The following ZNF184 variants were observed in gnomAD, a reference collection of about 807,000 sequenced individuals.
ZNF184 encodes the protein zinc finger protein 184 (Kruppel-like).
ZNF184 carries 16 observed loss-of-function variants against 54.4 expected under a neutral mutation model. The observed-to-expected ratio is 0.29, with a 90% confidence interval of 0.20 to 0.45. ZNF184 has a LOEUF of 0.45. Among genes scored for constraint, ZNF184 ranks in the 20% least tolerant of loss-of-function variants. The probability of loss-of-function intolerance (pLI) is 1.00; values close to 1 mark genes in which losing one functional copy is unlikely to be tolerated. For synonymous variants in ZNF184, 254 were observed against 295.3 expected (o/e 0.86, Z 1.43); for missense variants, 681 against 888.2 (o/e 0.77, Z 2.97).
At chr6:27,445,210 G>C in the ZNF184 span, among the ~76,000 whole-genome samples, 4 of 152,194 alleles carry the variant, frequency 2.6e-5, no homozygotes, top group Admixed American at 6.5e-5. Context: ...CCAAATGCCT[G>C]TCTGCAGCAA....
In ZNF184 at chr6:27,451,586, G is replaced by T; in HGVS notation, c.1973C>A (p.Thr658Asn). The change falls in exon 6 of 6, where the codon ACT (threonine) becomes AAT (asparagine). Residue 658 changes from threonine (T) to asparagine (N), a missense_variant. Coordinates refer to ENST00000683788, the MANE Select transcript of ZNF184 (RefSeq NM_001318891.2). ...EKTFSQSSHL[T>N]QHQRIHTGEK... ...CCCAGTGTGAATTCGTTGATGCTGAGTTAGATGGGAGCTCTGGCTAAAGGT... is the reference window on the plus strand; with the variant it reads ...CCCAGTGTGAATTCGTTGATGCTGATTTAGATGGGAGCTCTGGCTAAAGGT... 6 of 1,614,154 alleles carry T rather than the reference G, an allele frequency of 3.7e-6. No individual in the cohort carries two copies. The highest frequency in any genetic ancestry group is 5.1e-6 in the Non-Finnish European group (6 of 1,180,010).
At chr6:27,439,751 T>C in the ZNF184 span, among the ~76,000 whole-genome samples, 7 of 152,218 alleles carry the variant, frequency 4.6e-5, no homozygotes. Context: ...TTTATAACAA[T>C]TAGACTTTAT....
downstream of ZNF184, among the ~76,000 whole-genome samples, chr6:27,449,334 G>A (rs564532807): frequency 3.9e-5 from 6 of 152,178 alleles, no homozygotes; most frequent in African/African-American, 4.8e-5. Flanking sequence ...GATAACTTCC[G>A]AGGTCTTTTT....
chr6:27,454,598 T>C (rs999178946), intron 5 of ZNF184, among the ~76,000 whole-genome samples: 2 of 150,192 alleles, frequency 1.3e-5, no homozygotes, highest in Non-Finnish European at 3.0e-5. Flanking sequence ...TAAAGAACAG[T>C]GCATGGAAGT....
chr6:27,444,248 C>A, the ZNF184 span, among the ~76,000 whole-genome samples: 1 of 152,266 alleles, frequency 6.6e-6, no homozygotes, highest in Non-Finnish European at 1.5e-5. Context: ...CCATCCTCCA[C>A]CAACCCATTG....
chr6:27,466,700 C>T (rs1447128259), intron 3 of ZNF184, among the ~76,000 whole-genome samples: 2 of 151,718 alleles, frequency 1.3e-5, no homozygotes, highest in Non-Finnish European at 2.9e-5. Context: ...ACCAAAAGTA[C>T]TTCGGCTGAA....
the ZNF184 span, chr6:27,404,184 G>A: frequency 2.0e-5 from 3 of 152,112 alleles, no homozygotes; most frequent in South Asian, 2.1e-4. Context: ...TACAAACTGA[G>A]CATTCTGGCA....
the ZNF184 span, among the ~76,000 whole-genome samples, chr6:27,441,322 C>G: frequency 7.9e-5 from 12 of 152,150 alleles, no homozygotes; most frequent in African/African-American, 2.9e-4. Context: ...TTCAAGCAAT[C>G]TGCCCGCCTC....
chr6:27,424,371 G>A, the ZNF184 span, among the ~76,000 whole-genome samples: 25 of 152,198 alleles, frequency 1.6e-4, no homozygotes, highest in Non-Finnish European at 1.9e-4. Context: ...AAAGCCGACA[G>A]AGTTGCCACT....
chr6:27,436,657 T>C, the ZNF184 span, among the ~76,000 whole-genome samples: 1 of 152,236 alleles, frequency 6.6e-6, no homozygotes, highest in South Asian at 2.1e-4. Flanking sequence ...TTTTAATATG[T>C]TGCTGAATTT....
the ZNF184 span, among the ~76,000 whole-genome samples, chr6:27,414,460 A>T: frequency 1.3e-5 from 2 of 152,062 alleles, no homozygotes; most frequent in African/African-American, 4.8e-5. Flanking sequence ...TCTTGAGTCT[A>T]ATCTCCTATT....
chr6:27,408,051 T>C, the ZNF184 span: 1 of 870,936 alleles, frequency 1.1e-6, no homozygotes, highest in Non-Finnish European at 2.0e-6. Context: ...ATAATGTGAT[T>C]GAATACTTTG....
At chr6:27,457,678 G>A (rs1422166577) in intron 3 of ZNF184, among the ~76,000 whole-genome samples, 1 of 152,016 alleles carries the variant, frequency 6.6e-6, no homozygotes, top group East Asian at 1.9e-4. Flanking sequence ...GTCCTTCATC[G>A]TCATCATTAC....
Position 27,453,072 on chromosome 6 carries a change from C to T in ZNF184, c.487G>A (p.Glu163Lys). The T allele has an allele frequency of 6.2e-7, 1 of 1,614,032 alleles. No individual in the cohort carries two copies. The highest frequency in any genetic ancestry group is 1.1e-5 in the South Asian group (1 of 91,070). The change falls in exon 6 of 6, where the codon GAA becomes AAA. Residue 163 changes from glutamate (E) to lysine (K), a missense_variant. By Grantham distance (56) the Glu-to-Lys change is moderately conservative (BLOSUM62 1). Transcript: ENST00000683788. The surrounding 1 kb of genome is among the most constrained non-coding windows in gnomAD (Gnocchi z 4.7). Reference sequence around the variant, plus strand: ...ATTGTCTTTTCGGTTACCTTTATTTCCTTTGGCAGTGTCTGTTGGTTTGCC... The same window carrying T: ...ATTGTCTTTTCGGTTACCTTTATTTTCTTTGGCAGTGTCTGTTGGTTTGCC... ...QQANQQTLPK[E>K]IKVTEKTIPS...
the ZNF184 span, among the ~76,000 whole-genome samples, chr6:27,445,456 G>A: frequency 1.9e-4 from 28 of 146,492 alleles, no homozygotes; most frequent in Non-Finnish European, 3.1e-4. Context: ...AGGGTGATTA[G>A]GTTATTAGGG....
the ZNF184 span, among the ~76,000 whole-genome samples, chr6:27,420,291 A>G: frequency 6.6e-6 from 1 of 152,324 alleles, no homozygotes; most frequent in East Asian, 1.9e-4. Flanking sequence ...GGCATTTCAC[A>G]TTCAGCCTGT....
the ZNF184 span, among the ~76,000 whole-genome samples, chr6:27,425,202 G>A: frequency 7.2e-5 from 11 of 152,218 alleles, no homozygotes; most frequent in African/African-American, 2.7e-4. Context: ...TCCCGCTCGC[G>A]CCTCTCCCTC....
At chr6:27,419,157 G>A in the ZNF184 span, among the ~76,000 whole-genome samples, 16 of 152,184 alleles carry the variant, frequency 1.1e-4, no homozygotes, top group African/African-American at 3.9e-4. The surrounding 1 kb of genome is among the most constrained non-coding windows in gnomAD (Gnocchi z 4.8). Context: ...AGGCTGTAGT[G>A]CAGTGGCACA....
At position 27,451,553 on chromosome 6, in the gene ZNF184, G is replaced by T; in HGVS notation, c.2006C>A (p.Pro669His). The T allele has an allele frequency of 6.2e-7, 1 of 1,614,098 alleles. No homozygotes were observed. Residue 669 changes from proline (P) to histidine (H), a missense_variant, in exon 6 of 6, where the codon CCC becomes CAC. Pro to His is a moderately conservative substitution (Grantham distance 77, BLOSUM62 -2). Transcript: ENST00000683788. ...TTTGTCACATTCATTGCACTTATAG[G>T]GCTTCTCCCCAGTGTGAATTCGTTG... is the stretch of plus-strand genomic sequence containing the variant. ...QHQRIHTGEKPYKCNECDKAF... is the reference protein window; with the variant it reads ...QHQRIHTGEKHYKCNECDKAF...
Sources: allele counts gnomAD v4.1 joint callset (sites outside exome capture counted in the v4.1 genomes callset), GRCh38; gene constraint gnomAD v4.1.1; non-coding constraint Gnocchi (gnomAD v3.1); transcripts MANE v1.5; gene names NCBI Gene and HGNC (gene_info 2026-07-23, HGNC 2026-07-21).